Variants in NRXN3 observed in about 807,000 individuals in gnomAD.
The protein encoded by NRXN3 is neurexin 3.
In NRXN3, 32 loss-of-function variants were observed where a neutral mutation model predicts 137.6. That is an observed-to-expected ratio of 0.23 (90% CI 0.18 to 0.31). The LOEUF (loss-of-function observed/expected upper bound fraction) is 0.31. Among genes scored for constraint, NRXN3 ranks in the 10% least tolerant of loss-of-function variants. The pLI, the probability that NRXN3 is intolerant of heterozygous loss-of-function variation, is 1.00. For missense variants in NRXN3, 1,574 were observed against 2,062.5 expected (o/e 0.76, Z 4.59); for synonymous variants, 798 against 784.5 (o/e 1.02, Z -0.29).
intron 4 of NRXN3, among the ~76,000 whole-genome samples, chr14:78,395,784 T>G (rs1453237931): frequency 6.6e-6 from 1 of 152,032 alleles, no homozygotes; most frequent in African/African-American, 2.4e-5. Context: ...GTCTAATGTA[T>G]TTGATATTAA....
chr14:79,415,268 T>C (rs2153522118), intron 15 of NRXN3, among the ~76,000 whole-genome samples: 1 of 152,248 alleles, frequency 6.6e-6, no homozygotes, highest in East Asian at 1.9e-4. Flanking sequence ...TATCCATGGA[T>C]TTTACATTTA....
intron 17 of NRXN3, among the ~76,000 whole-genome samples, chr14:79,690,654 T>C (rs2098713193): frequency 6.6e-6 from 1 of 152,088 alleles, no homozygotes; most frequent in Non-Finnish European, 1.5e-5. Flanking sequence ...TAGAATAATT[T>C]GTCTGTATGA....
intron 16 of NRXN3, among the ~76,000 whole-genome samples, chr14:79,489,632 A>T (rs2096693418): frequency 6.6e-6 from 1 of 152,148 alleles, no homozygotes; most frequent in African/African-American, 2.4e-5. Flanking sequence ...ATTATATTTT[A>T]CATAATTGAT....
chr14:78,351,281 A>C (rs2083453689), intron 4 of NRXN3, among the ~76,000 whole-genome samples: 1 of 152,194 alleles, frequency 6.6e-6, no homozygotes, highest in Non-Finnish European at 1.5e-5. Context: ...GATTGTTTAC[A>C]GTTATTAGCT....
intron 16 of NRXN3, among the ~76,000 whole-genome samples, chr14:79,631,038 T>G (rs2098339134): frequency 1.3e-5 from 2 of 152,208 alleles, no homozygotes; most frequent in South Asian, 4.1e-4. Context: ...CGTTGTGTAA[T>G]GCACTAGCTA....
At chr14:79,445,298 C>G (rs1315205436) in intron 15 of NRXN3, among the ~76,000 whole-genome samples, 1 of 151,432 alleles carries the variant, frequency 6.6e-6, no homozygotes, top group Non-Finnish European at 1.5e-5. Flanking sequence ...CGAGATCACG[C>G]CACTGCACTC....
intron 8 of NRXN3, among the ~76,000 whole-genome samples, chr14:78,770,626 TAATA>T (rs1388485422): frequency 4.6e-5 from 7 of 152,132 alleles, no homozygotes; most frequent in Non-Finnish European, 1.0e-4. Context: ...TGAAATAAGA[TAATA>T]AATGTCCAAA....
At chr14:79,725,469 T>C (rs1603450533) in intron 19 of NRXN3, among the ~76,000 whole-genome samples, 1 of 152,174 alleles carries the variant, frequency 6.6e-6, no homozygotes, top group Non-Finnish European at 1.5e-5. Flanking sequence ...AAAAGGACTA[T>C]AGGATTGGAA....
chr14:78,226,758 A>AT (rs1358672549), intron 1 of NRXN3, among the ~76,000 whole-genome samples: 1 of 152,000 alleles, frequency 6.6e-6, no homozygotes. Context: ...AAACTTTGAA[A>AT]TTTTTTTTGC....
At chr14:79,098,672 C>A (rs531978086) in intron 15 of NRXN3, among the ~76,000 whole-genome samples, 1 of 152,310 alleles carries the variant, frequency 6.6e-6, no homozygotes, top group South Asian at 2.1e-4. Flanking sequence ...GAACTCAGAG[C>A]AGTGCTTCCC....
intron 4 of NRXN3, among the ~76,000 whole-genome samples, chr14:78,455,029 G>A (rs990273273): frequency 2.0e-5 from 3 of 152,200 alleles, no homozygotes; most frequent in African/African-American, 4.8e-5. Context: ...CAGGTCGAGA[G>A]TAGTATCTTG....
intron 6 of NRXN3, among the ~76,000 whole-genome samples, chr14:78,682,724 G>T (rs1262366943): frequency 6.6e-6 from 1 of 152,064 alleles, no homozygotes; most frequent in Non-Finnish European, 1.5e-5. Flanking sequence ...GGGGAATTGG[G>T]GTGGGGCTTG....
At chr14:79,278,251 G>C (rs539340775) in intron 15 of NRXN3, among the ~76,000 whole-genome samples, 1 of 152,136 alleles carries the variant, frequency 6.6e-6, no homozygotes, top group East Asian at 1.9e-4. Context: ...TGAATGGTAG[G>C]AGGGAGTCAA....
intron 17 of NRXN3, among the ~76,000 whole-genome samples, chr14:79,674,525 T>G (rs1403401905): frequency 1.3e-5 from 2 of 152,052 alleles, no homozygotes; most frequent in Admixed American, 1.3e-4. Flanking sequence ...AAGGGTCAAC[T>G]CTGAGATTCC....
intron 10 of NRXN3, among the ~76,000 whole-genome samples, chr14:78,889,451 C>T (rs989613046): frequency 1.3e-5 from 2 of 151,998 alleles, no homozygotes; most frequent in Non-Finnish European, 2.9e-5. Context: ...TCACCAACTG[C>T]ATCCCTGATT....
intron 1 of NRXN3, chr14:78,231,470 G>C (rs548109724): frequency 2.0e-5 from 3 of 152,394 alleles, no homozygotes; most frequent in Middle Eastern, 3.4e-3. Context: ...TGCATGTCCT[G>C]ATGGCTGCAG....
chr14:79,221,018 C>G (rs1348298640), intron 15 of NRXN3, among the ~76,000 whole-genome samples: 1 of 151,516 alleles, frequency 6.6e-6, no homozygotes, highest in East Asian at 2.0e-4. Flanking sequence ...GTTTTCTGTT[C>G]CTGTATTAGT....
chr14:79,279,991 T>G (rs2153440534), intron 15 of NRXN3: 1 of 1,184,220 alleles, frequency 8.4e-7, no homozygotes, highest in East Asian at 4.9e-5. Flanking sequence ...GGTCTTCCCC[T>G]GACATGCGTG....
At chr14:79,827,691 C>CTT (rs71103825) in intron 20 of NRXN3, among the ~76,000 whole-genome samples, 4 of 129,552 alleles carry the variant, frequency 3.1e-5, no homozygotes, top group African/African-American at 8.6e-5. Flanking sequence ...ATGCCACAAA[C>CTT]TTTTTTTTTT....
Sources: gnomAD v4.1 joint callset for allele counts (sites outside exome capture counted in the v4.1 genomes callset) on GRCh38, gnomAD v4.1.1 for gene constraint, MANE v1.5 for transcripts, NCBI Gene and HGNC (gene_info 2026-07-23, HGNC 2026-07-21) for gene names.